The following SH3GL3 variants were observed in gnomAD, a reference collection of about 807,000 sequenced individuals.
The protein encoded by SH3GL3 is endophilin-A3.
SH3GL3 carries 33 observed loss-of-function variants against 47.7 expected under a neutral mutation model. The ratio of observed to expected loss-of-function variants is 0.69; its 90% confidence interval spans 0.52 to 0.92. The LOEUF (loss-of-function observed/expected upper bound fraction) is 0.92, where lower values mean the gene tolerates loss of function less well. Among genes scored for constraint, SH3GL3 ranks in the 40% least tolerant of loss-of-function variants. SH3GL3 has a pLI of 0.00. For missense variants in SH3GL3, 363 were observed against 417.8 expected (o/e 0.87, Z 1.14); for synonymous variants, 155 against 148.8 (o/e 1.04, Z -0.30).
chr15:83,592,478 C>T (rs1404506857), intron 8 of SH3GL3, among the ~76,000 whole-genome samples: 1 of 151,752 alleles, frequency 6.6e-6, no homozygotes, highest in East Asian at 1.9e-4. Flanking sequence ...AGTGCAGGCT[C>T]GTGCAGTAGT....
At chr15:83,485,606 C>T (rs1462602409) in intron 1 of SH3GL3, among the ~76,000 whole-genome samples, 2 of 152,192 alleles carry the variant, frequency 1.3e-5, no homozygotes, top group African/African-American at 2.4e-5. Context: ...GCCTCAGCCT[C>T]CCAAGTCGCT....
Position 83,565,213 on chromosome 15 carries a change from T to C in SH3GL3, c.187+7T>C. 6.6e-7 allele frequency: 1 copy of C among 1,510,576 alleles called. No homozygotes were observed. The highest frequency in any genetic ancestry group is 9.2e-7 in the Non-Finnish European group (1 of 1,087,872). 93.6% of individuals were successfully genotyped at this position (1,510,576 alleles called of 1,614,324 possible). A position where few individuals can be genotyped will look rare whatever the true frequency, so the allele number is the denominator to read the frequency against. On this transcript the variant is annotated splice_region_variant and intron_variant, in intron 3 of 8. Transcript: ENST00000427482. ...TATCTTCAGCCAAATCCAGGTAAAG[T>C]TGAAATATTCTCTTGTTCATTTGCT...
At chr15:83,495,486 G>A (rs1485290144) in intron 1 of SH3GL3, among the ~76,000 whole-genome samples, 2 of 152,206 alleles carry the variant, frequency 1.3e-5, no homozygotes, top group Non-Finnish European at 2.9e-5. Context: ...TGTAATCTCA[G>A]CATTTTGGGA....
chr15:83,571,274 ATG>A (rs1330353960), intron 4 of SH3GL3, among the ~76,000 whole-genome samples: 4 of 152,154 alleles, frequency 2.6e-5, no homozygotes, highest in Non-Finnish European at 5.9e-5. Flanking sequence ...GTATTTGAAA[ATG>A]TTTCTGTCAA....
chr15:83,494,694 C>G (rs2042011326), intron 1 of SH3GL3, among the ~76,000 whole-genome samples: 1 of 151,988 alleles, frequency 6.6e-6, no homozygotes, highest in Non-Finnish European at 1.5e-5. Flanking sequence ...AGGTGTGTGC[C>G]ACCGTGTCCA....
chr15:83,501,467 AATTCAGAGTGAGATT>A (rs1316711977), intron 1 of SH3GL3, among the ~76,000 whole-genome samples: 1 of 152,220 alleles, frequency 6.6e-6, no homozygotes, highest in African/African-American at 2.4e-5. Context: ...TTAGAGGTGG[AATTCAGAGTGAGATT>A]ATTGGCATCG....
At chr15:83,625,654 A>G in the SH3GL3 span, among the ~76,000 whole-genome samples, 2 of 152,120 alleles carry the variant, frequency 1.3e-5, no homozygotes, top group African/African-American at 4.8e-5. Flanking sequence ...TTATTTTTAT[A>G]GCTTATCTAC....
At chr15:83,500,208 C>A (rs1410594088) in intron 1 of SH3GL3, among the ~76,000 whole-genome samples, 1 of 152,134 alleles carries the variant, frequency 6.6e-6, no homozygotes, top group Admixed American at 6.5e-5. Context: ...CACAGCTGAC[C>A]TGAGGTGGTT....
intron 1 of SH3GL3, among the ~76,000 whole-genome samples, chr15:83,541,089 C>A (rs187048546): frequency 6.6e-6 from 1 of 152,210 alleles, no homozygotes; most frequent in East Asian, 1.9e-4. Context: ...TCCTCCACTT[C>A]CATCTGTGTT....
At position 83,499,503 on chromosome 15, in the gene SH3GL3, C is replaced by T. The variant is rs188411600; in HGVS notation, c.45+51925C>T. On this transcript the variant is annotated intron_variant, in intron 1 of 8. Coordinates refer to ENST00000427482, the MANE Select transcript of SH3GL3 (RefSeq NM_003027.5). ...CTATTTATAAATTCTGTTAATTTCC[C>T]TTAAACATTTTAAAGTGTAGTCATA... Among the ~76,000 whole-genome samples the T allele has an allele frequency of 2.0e-5, 3 of 151,996 alleles. No individual in the cohort carries two copies. The East Asian group carries it at 5.8e-4, about 29-fold the overall frequency.
chr15:83,465,325 A>T (rs1035513182), intron 1 of SH3GL3, among the ~76,000 whole-genome samples: 1 of 151,864 alleles, frequency 6.6e-6, no homozygotes, highest in Non-Finnish European at 1.5e-5. Context: ...AAATAAATAA[A>T]TAAAAAAGTA....
At chr15:83,573,904 A>G (rs1312940801) in intron 5 of SH3GL3, among the ~76,000 whole-genome samples, 1 of 152,254 alleles carries the variant, frequency 6.6e-6, no homozygotes, top group Non-Finnish European at 1.5e-5. Context: ...AAGTAAACAG[A>G]TACCATGCAC....
intron 1 of SH3GL3, among the ~76,000 whole-genome samples, chr15:83,513,658 T>A (rs1363520283): frequency 6.6e-6 from 1 of 152,164 alleles, no homozygotes; most frequent in African/African-American, 2.4e-5. Context: ...CTCTTTGTGG[T>A]TGATGCATCT....
At chr15:83,530,494 A>T (rs191099251) in intron 1 of SH3GL3, among the ~76,000 whole-genome samples, 2 of 151,876 alleles carry the variant, frequency 1.3e-5, no homozygotes, top group African/African-American at 4.8e-5. Flanking sequence ...GTTTTCTTTT[A>T]GATGTTCTAT....
chr15:83,572,464 A>G (rs2059567493), intron 4 of SH3GL3, 101 bp from the exon 5 acceptor site: 3 of 988,312 alleles, frequency 3.0e-6, no homozygotes, highest in Non-Finnish European at 4.6e-6. Context: ...ACCTTGCTAC[A>G]CCATCATCCA....
intron 1 of SH3GL3, among the ~76,000 whole-genome samples, chr15:83,472,642 C>T (rs1374627604): frequency 1.3e-5 from 2 of 152,052 alleles, no homozygotes; most frequent in African/African-American, 4.8e-5. Context: ...GGCTTCTTGG[C>T]TTCTTTAGAA....
chr15:83,465,451 C>T (rs2040528345), intron 1 of SH3GL3, among the ~76,000 whole-genome samples: 1 of 152,028 alleles, frequency 6.6e-6, no homozygotes, highest in African/African-American at 2.4e-5. Flanking sequence ...TGAAACCTCA[C>T]TTGACTTGGC....
chr15:83,531,341 C>T (rs780432008), intron 1 of SH3GL3, among the ~76,000 whole-genome samples: 3 of 152,136 alleles, frequency 2.0e-5, no homozygotes, highest in Non-Finnish European at 4.4e-5. Context: ...AGAAGGGGCA[C>T]CCAACTAGGT....
intron 6 of SH3GL3, among the ~76,000 whole-genome samples, chr15:83,579,763 A>G (rs1001468960): frequency 6.6e-6 from 1 of 152,066 alleles, no homozygotes. Flanking sequence ...CTCAGAGATG[A>G]TTGTTTAGGC....
Sources: gnomAD v4.1 joint callset for allele counts (sites outside exome capture counted in the v4.1 genomes callset) on GRCh38, gnomAD v4.1.1 for gene constraint, MANE v1.5 for transcripts, NCBI Gene and HGNC (gene_info 2026-07-23, HGNC 2026-07-21) for gene names.